SULT2A1: variants seen among roughly 807,000 people sequenced by gnomAD.
SULT2A1 encodes the protein sulfotransferase family 2A member 1.
A neutral mutation model predicts 33.9 loss-of-function variants in SULT2A1; 43 were observed. The ratio of observed to expected loss-of-function variants is 1.27; its 90% CI spans 1.00 to 1.64. The LOEUF is 1.64. SULT2A1 is among the 40% of genes most tolerant of loss of function. The pLI is 0.00. For synonymous variants in SULT2A1, 125 were observed against 113.6 expected (o/e 1.10, Z -0.64); for missense variants, 300 against 335.1 (o/e 0.90, Z 0.82).
intron 2 of SULT2A1, among the ~76,000 whole-genome samples, chr19:47,882,961 C>T (rs1405468747): frequency 1.3e-5 from 2 of 151,988 alleles, no homozygotes. Flanking sequence ...AAACACCTTC[C>T]AGGAAAGTAC....
intron 4 of SULT2A1, among the ~76,000 whole-genome samples, chr19:47,877,436 C>T (rs1362530798): frequency 6.6e-6 from 1 of 151,276 alleles, no homozygotes; most frequent in East Asian, 2.0e-4. Flanking sequence ...GATGGGATTT[C>T]GCCATGTTGC....
chr19:47,881,161 G>C (rs951315732), intron 3 of SULT2A1, among the ~76,000 whole-genome samples: 1 of 151,970 alleles, frequency 6.6e-6, no homozygotes, highest in Non-Finnish European at 1.5e-5. Flanking sequence ...TCAGCCTCCT[G>C]AGTAGCTGGG....
intron 3 of SULT2A1, among the ~76,000 whole-genome samples, chr19:47,881,192 C>G (rs10425154): frequency 6.6e-6 from 1 of 151,730 alleles, no homozygotes; most frequent in African/African-American, 2.4e-5. Context: ...CCCACCACCA[C>G]GGCCAGCTAA....
intron 3 of SULT2A1, among the ~76,000 whole-genome samples, chr19:47,881,255 C>T (rs563222359): frequency 1.3e-5 from 2 of 151,214 alleles, no homozygotes; most frequent in African/African-American, 4.9e-5. Flanking sequence ...AGGCTGGTCT[C>T]GAACTCCTGA....
rs552847519 is a variant in SULT2A1 at position 47,875,925 on chromosome 19, G to T, written c.568-1091C>A. Among the ~76,000 whole-genome samples the T allele has an allele frequency of 4.6e-5, 7 of 152,224 alleles. No homozygotes were observed. In the South Asian group the frequency reaches 1.5e-3, roughly 32 times the overall value. ...ATAACTAGCTTTTGAATAACACACA[G>T]AGTTTTACAATATCTTCTTATATTT... is the stretch of plus-strand genomic sequence containing the variant. On this transcript the variant is annotated intron_variant, in intron 4 of 5. Transcript: ENST00000222002.
chr19:47,873,980 C>T (rs1382744655), intron 5 of SULT2A1, among the ~76,000 whole-genome samples: 2 of 152,032 alleles, frequency 1.3e-5, no homozygotes, highest in Non-Finnish European at 2.9e-5. Flanking sequence ...TGTGGCCATC[C>T]CCAACCCCGT....
intron 4 of SULT2A1, among the ~76,000 whole-genome samples, chr19:47,876,768 T>TCATAAA (rs1568638041): frequency 2.3e-5 from 2 of 85,566 alleles, no homozygotes; most frequent in African/African-American, 9.4e-5. Context: ...AGACTCTGTC[T>TCATAAA]AAAAAAAAAA....
chr19:47,871,583 A>G lies in SULT2A1; in HGVS notation c.746-16T>C, dbSNP rs375473200. 100 of 1,572,928 alleles carry G rather than the reference A, an allele frequency of 6.4e-5. No homozygotes were observed. Among genetic ancestry groups the G allele is most frequent in the Non-Finnish European group, 8.8e-5 (100 of 1,142,850 alleles). ...CCAGATACACCTGGAAACAAGAAGC[A>G]GAAACTCAGGTCAGACCACACATCT... On this transcript the variant is annotated splice_polypyrimidine_tract_variant and intron_variant, in intron 5 of 5. Transcript: ENST00000222002.
intron 3 of SULT2A1, among the ~76,000 whole-genome samples, chr19:47,880,255 A>AAC (rs1968590582): frequency 1.3e-5 from 2 of 150,848 alleles, no homozygotes; most frequent in African/African-American, 2.4e-5. Flanking sequence ...AAAAAAAAAA[A>AAC]AAACCTGAAG....
intron 4 of SULT2A1, among the ~76,000 whole-genome samples, chr19:47,877,530 G>A (rs890322696): frequency 2.0e-5 from 3 of 150,006 alleles, no homozygotes; most frequent in Non-Finnish European, 3.0e-5. Flanking sequence ...GTGAGACACC[G>A]TGCCCAGCCT....
At chr19:47,872,644 T>A (rs1164204138) in intron 5 of SULT2A1, among the ~76,000 whole-genome samples, 1 of 152,150 alleles carries the variant, frequency 6.6e-6, no homozygotes, top group African/African-American at 2.4e-5. Context: ...ATCCTTGCTG[T>A]ATTTCGCCTC....
At chr19:47,884,729 C>T (rs1261560037) in intron 1 of SULT2A1, among the ~76,000 whole-genome samples, 1 of 151,020 alleles carries the variant, frequency 6.6e-6, no homozygotes, top group Non-Finnish European at 1.5e-5. Flanking sequence ...CGCTTGACCT[C>T]AAGCAATCTG....
chr19:47,882,091 T>A lies in SULT2A1; in HGVS notation c.465A>T (p.Gln155His), dbSNP rs2122154438. ...ATTTTGTGAAACACTCACCAGTTCCTTGACAAAACCATTCAAAATATTCTT... is the reference window on the plus strand; with the variant it reads ...ATTTTGTGAAACACTCACCAGTTCCATGACAAAACCATTCAAAATATTCTT... Reference protein sequence around the residue: ...SWEEYFEWFCQGTVLYGSWFD... With the variant: ...SWEEYFEWFCHGTVLYGSWFD... Residue 155 changes from glutamine (Q) to histidine (H), a missense_variant, in exon 3 of 6, where the codon CAA becomes CAT. By Grantham distance (24) the Gln-to-His change is conservative. Transcript: ENST00000222002. 1 of 1,613,716 alleles carries A rather than the reference T, an allele frequency of 6.2e-7. No homozygotes were observed. The highest frequency in any genetic ancestry group is 2.2e-5 in the East Asian group (1 of 44,868).
intron 1 of SULT2A1, among the ~76,000 whole-genome samples, chr19:47,884,166 T>A (rs1298106432): frequency 6.9e-6 from 1 of 145,590 alleles, no homozygotes; most frequent in African/African-American, 2.7e-5. Context: ...TTTTTTATTA[T>A]TTATTTATTT....
chr19:47,871,621 T>G (rs1568636311), intron 5 of SULT2A1, 54 bp from the exon 6 acceptor site: 1 of 1,197,574 alleles, frequency 8.4e-7, no homozygotes, highest in Non-Finnish European at 1.2e-6. Flanking sequence ...TTGACCTGTC[T>G]CCACCAGGCA....
Position 47,879,089 on chromosome 19 carries a change from G to A in SULT2A1, c.514C>T (p.Pro172Ser). The A allele has an allele frequency of 1.7e-5, 28 of 1,613,834 alleles. No individual in the cohort carries two copies. The highest frequency in any genetic ancestry group is 2.3e-5 in the Non-Finnish European group (27 of 1,179,808). The change falls in exon 4 of 6, where the codon CCC becomes TCC. Residue 172 changes from proline to serine, a missense_variant. Coordinates refer to ENST00000222002, the MANE Select transcript of SULT2A1 (RefSeq NM_003167.4). Reference protein sequence around the residue: ...SWFDHIHGWMPMREEKNFLLL... With the variant: ...SWFDHIHGWMSMREEKNFLLL... ...AGGAAGTTTTTCTCCTCTCTCATGG[G>A]CATCCAGCCATGAATGTGGTCAAAC...
intron 2 of SULT2A1, among the ~76,000 whole-genome samples, chr19:47,882,571 A>G (rs1025146905): frequency 6.6e-6 from 1 of 152,182 alleles, no homozygotes; most frequent in African/African-American, 2.4e-5. Context: ...ATTCATAGAT[A>G]TATAGCAATA....
Position 47,883,646 on chromosome 19 carries a change from A to G in SULT2A1, c.276T>C (p.Ser92=). 5.0e-6 allele frequency: 8 copies of G among 1,613,370 alleles called. No homozygotes were observed. The Middle Eastern group carries it at 4.9e-4, about 100-fold the overall frequency. Residue 92 remains serine, a synonymous_variant, in exon 2 of 6, where the codon AGT becomes AGC. Coordinates refer to ENST00000222002, the MANE Select transcript of SULT2A1 (RefSeq NM_003167.4). ...GGAGGTGGGAGGAGAATAAACGTGG[A>G]CTCTCCGTTTCACTGAGTGCTGTAT... ...IGYTALSETE[S]PRLFSSHLPI... is the part of the protein sequence containing the mutation.
rs753252958 is a variant in SULT2A1 at position 47,874,782 on chromosome 19, T to G, written c.620A>C (p.Glu207Ala). The G allele has an allele frequency of 6.2e-7, 1 of 1,614,036 alleles. No individual in the cohort carries two copies. Among genetic ancestry groups the G allele is most frequent in the Non-Finnish European group, 8.5e-7 (1 of 1,180,022 alleles). The change falls in exon 5 of 6, where the codon GAA (glutamate) becomes GCA (alanine). Residue 207 changes from glutamate to alanine, a missense_variant. Glu to Ala is a moderately radical substitution (Grantham distance 107, BLOSUM62 -1). Transcript: ENST00000222002. Reference sequence around the variant, plus strand: ...GAGAATTAAGTTCAGTTCTTCGGGTTCTAACGTCTTTCCCAGGAATTGACA... The same window carrying G: ...GAGAATTAAGTTCAGTTCTTCGGGTGCTAACGTCTTTCCCAGGAATTGACA... Reference protein sequence around the residue: ...KICQFLGKTLEPEELNLILKN... With the variant: ...KICQFLGKTLAPEELNLILKN...
Sources: gnomAD v4.1 joint callset for allele counts (sites outside exome capture counted in the v4.1 genomes callset) on GRCh38, gnomAD v4.1.1 for gene constraint, MANE v1.5 for transcripts, NCBI Gene and HGNC (gene_info 2026-07-23, HGNC 2026-07-21) for gene names.